Variants in VPS52 observed in about 807,000 individuals in gnomAD.
VPS52 encodes the protein vacuolar protein sorting-associated protein 52 homolog.
A neutral mutation model predicts 98.7 loss-of-function variants in VPS52; 56 were observed. The observed-to-expected ratio is 0.57, with a 90% CI of 0.46 to 0.71. VPS52 has a LOEUF of 0.71. Ranked by LOEUF, VPS52 falls within the 30% of genes least tolerant of loss-of-function variation. The pLI, the probability that VPS52 is intolerant of heterozygous loss-of-function variation, is 0.00. For missense variants in VPS52, 742 were observed against 925.9 expected, an observed-to-expected ratio of 0.80 and a Z score of 2.58; for synonymous variants, 348 against 346.4, an observed-to-expected ratio of 1.00 and a Z score of -0.05.
Position 33,270,950 on chromosome 6 carries a change from CA to C in VPS52, c.90+635del, listed in dbSNP as rs9280391. On this transcript the variant is annotated intron_variant, in intron 1 of 19. Coordinates refer to ENST00000445902, the MANE Select transcript of VPS52 (RefSeq NM_022553.6). ...TGGGCGACAGAGCAAGACTCCGTCTCAAAAAAAAAAAAAAAAAAAAAAAAGT... is the reference window on the plus strand; with the variant it reads ...TGGGCGACAGAGCAAGACTCCGTCTCAAAAAAAAAAAAAAAAAAAAAAAGT... Among the ~76,000 whole-genome samples, 551 of 84,570 alleles carry C rather than the reference CA, an allele frequency of 6.5e-3. 3 individuals carry two copies. Among genetic ancestry groups the C allele is most frequent in the African/African-American group, 0.018 (323 of 17,680 alleles). The allele number at this position is 84,570 out of a possible 152,430, so 55.5% of individuals were successfully genotyped here.
chr6:33,267,844 A>G lies in VPS52; in HGVS notation c.933+21T>C. The G allele has an allele frequency of 6.2e-7, 1 of 1,612,854 alleles. No homozygotes were observed. The highest frequency in any genetic ancestry group is 8.5e-7 in the Non-Finnish European group (1 of 1,179,972). ...CCTCCCAGTCCATGTGCCCAGGAAT[A>G]CCTCTCCCTCCTGACCTTACCTGCA... is the stretch of plus-strand genomic sequence containing the variant. On this transcript the variant is annotated intron_variant, in intron 9 of 19. Transcript: ENST00000445902. This position sits in a 1 kb window ranked among gnomAD's most constrained non-coding sequence, Gnocchi z 4.2.
intron 14 of VPS52, 123 bp downstream of exon 14, chr6:33,264,251 C>T: frequency 1.9e-6 from 3 of 1,557,458 alleles, no homozygotes; most frequent in Non-Finnish European, 2.6e-6. Flanking sequence ...TGAGTTTCAC[C>T]ACCCTCCCAG....
rs772883013 is a variant in VPS52, at chr6:33,269,715, C to G, written c.304+29G>C. The G allele has an allele frequency of 2.5e-6, 4 of 1,608,538 alleles. No homozygotes were observed. In the South Asian group the frequency reaches 4.4e-5, roughly 18 times the overall value. Reference sequence around the variant, plus strand: ...CGCCACAAAATCCCCATGTCAATAGCACCACCCCTTCCCTCTGCTGGAGGA... The same window carrying G: ...CGCCACAAAATCCCCATGTCAATAGGACCACCCCTTCCCTCTGCTGGAGGA... On this transcript the variant is annotated intron_variant, in intron 4 of 19. Coordinates refer to ENST00000445902, the MANE Select transcript of VPS52 (RefSeq NM_022553.6).
chr6:33,269,557 T>G lies in VPS52; in HGVS notation c.305A>C (p.Tyr102Ser). 1 of 1,607,748 alleles carries G rather than the reference T, an allele frequency of 6.2e-7. No homozygotes were observed. Among genetic ancestry groups the G allele is most frequent in the Non-Finnish European group, 8.5e-7 (1 of 1,177,752 alleles). The change falls in exon 5 of 20, where the codon TAT becomes TCT. Residue 102 changes from tyrosine (Y) to serine (S), a missense_variant and splice_region_variant. Tyr to Ser is a moderately radical substitution (Grantham distance 144). Coordinates refer to ENST00000445902, the MANE Select transcript of VPS52 (RefSeq NM_022553.6). ...QQIEQKSIRD[Y>S]IQESENIASL... ...TGCTATATTCTCACTCTCTTGAATA[T>G]CTGATCCACAAAAAGTCAAGGGGCC...
chr6:33,264,230 A>G (rs954735380), intron 14 of VPS52, 127 bp from the exon 15 acceptor site: 3 of 1,534,880 alleles, frequency 2.0e-6, no homozygotes, highest in Non-Finnish European at 1.8e-6. Flanking sequence ...CCCACAGTGC[A>G]CCACTCACCA....
chr6:33,270,218 G>T lies in VPS52; in HGVS notation c.156C>A (p.Phe52Leu). ...GCTTACCATCCACTTCATCCAGGAT[G>T]AATTCATCAGAAGTGATATCCAACT... ...LGELDITSDE[F>L]ILDEVDVHIQ... Residue 52 changes from phenylalanine (F) to leucine (L), a missense_variant, in exon 2 of 20, where the codon TTC (phenylalanine) becomes TTA (leucine). By Grantham distance (22) the Phe-to-Leu change is conservative. Around this residue, in one of 2 missense-constraint regions of VPS52, gnomAD observed 152 missense variants for 132.6 expected, o/e 1.15. Coordinates refer to ENST00000445902, the MANE Select transcript of VPS52 (RefSeq NM_022553.6). The T allele has an allele frequency of 6.2e-7, 1 of 1,613,452 alleles. No homozygotes were observed. The highest frequency in any genetic ancestry group is 1.1e-5 in the South Asian group (1 of 91,070).
intron 4 of VPS52, 74 bp downstream of exon 4, chr6:33,269,670 G>C: frequency 6.4e-7 from 1 of 1,570,710 alleles, no homozygotes. Flanking sequence ...GTTGACCCCA[G>C]CTGGGACATC....
At position 33,253,612 on chromosome 6, in the gene VPS52, A is replaced by C. The variant is rs552905193; in HGVS notation, c.1795-1641T>G. On this transcript the variant is annotated intron_variant, in intron 17 of 19. Coordinates refer to ENST00000445902, the MANE Select transcript of VPS52 (RefSeq NM_022553.6). Reference sequence around the variant, plus strand: ...GTAGTTTTTAAAACCATCTGTTACCAGGTGTGGTGGCACACACCTGTAGTC... The same window carrying C: ...GTAGTTTTTAAAACCATCTGTTACCCGGTGTGGTGGCACACACCTGTAGTC... Among the ~76,000 whole-genome samples the C allele has an allele frequency of 8.5e-4, 129 of 152,204 alleles. 1 individual carries two copies. Among genetic ancestry groups the C allele is most frequent in the South Asian group, 3.3e-3 (16 of 4,826 alleles).
chr6:33,269,853 A>C (rs577991757), intron 3 of VPS52, 34 bp from the exon 4 acceptor site: 1 of 1,607,078 alleles, frequency 6.2e-7, no homozygotes, highest in South Asian at 1.1e-5. Context: ...GTCAGAAGGA[A>C]GTCTCAGTAA....
chr6:33,263,278 A>C (rs908209961), intron 17 of VPS52, among the ~76,000 whole-genome samples: 18 of 150,868 alleles, frequency 1.2e-4, no homozygotes, highest in Non-Finnish European at 1.8e-4. Flanking sequence ...AAAAAAAAAA[A>C]AAAAAACCAA....
At chr6:33,252,006 T>G in intron 17 of VPS52, 35 bp from the exon 18 acceptor site, 1 of 1,583,504 alleles carries the variant, frequency 6.3e-7, no homozygotes, top group Non-Finnish European at 8.7e-7. Context: ...ACAGGTGTCC[T>G]GGTGTCAGCA....
chr6:33,259,711 A>T (rs1157119101), intron 17 of VPS52, among the ~76,000 whole-genome samples: 4 of 152,182 alleles, frequency 2.6e-5, no homozygotes, highest in Admixed American at 6.5e-5. Flanking sequence ...AAAATCCGAA[A>T]AAAATCAAAA....
Position 33,264,448 on chromosome 6 carries a change from G to C in VPS52, c.1450C>G (p.Leu484Val). 6.2e-7 allele frequency: 1 copy of C among 1,614,156 alleles called. No homozygotes were observed. The highest frequency in any genetic ancestry group is 8.5e-7 in the Non-Finnish European group (1 of 1,180,034). Reference sequence around the variant, plus strand: ...CGGACGCTCTGAACATTCATCTCCAGGATCAGTTCAAACCGTGGCCATAGC... The same window carrying C: ...CGGACGCTCTGAACATTCATCTCCACGATCAGTTCAAACCGTGGCCATAGC... ...ALLWPRFELI[L>V]EMNVQSVRST... Residue 484 changes from leucine (L) to valine (V), a missense_variant, in exon 14 of 20, where the codon CTG (leucine) becomes GTG (valine). Physicochemically the swap from Leu to Val is conservative, Grantham distance 32 (BLOSUM62 1). Coordinates refer to ENST00000445902, the MANE Select transcript of VPS52 (RefSeq NM_022553.6).
intron 14 of VPS52, 96 bp from the exon 15 acceptor site, chr6:33,264,199 C>T: frequency 6.5e-7 from 1 of 1,549,854 alleles, no homozygotes; most frequent in East Asian, 2.3e-5. Flanking sequence ...TGTGATGTGA[C>T]TCTACCTTCA....
chr6:33,266,725 G>A lies in VPS52; in HGVS notation c.1126-13C>T, dbSNP rs749248432. 6 of 1,594,140 alleles carry A rather than the reference G, an allele frequency of 3.8e-6. No homozygotes were observed. The African/African-American group carries it at 8.1e-5, about 21-fold the overall frequency. ...CCTCAAATGGATACTGGGAGAGGAG[G>A]AGTAAAGAAGAAAAACAGAAGGGAT... is the stretch of plus-strand genomic sequence containing the variant. On this transcript the variant is annotated splice_polypyrimidine_tract_variant and intron_variant, in intron 11 of 19. Transcript: ENST00000445902.
At chr6:33,257,061 ACT>A (rs1273739590) in intron 17 of VPS52, among the ~76,000 whole-genome samples, 1 of 152,010 alleles carries the variant, frequency 6.6e-6, no homozygotes, top group African/African-American at 2.4e-5. Context: ...ACAGGGTCTC[ACT>A]CTGTTGCCCA....
At chr6:33,271,455 G>A (rs912851454) in intron 1 of VPS52, 131 bp downstream of exon 1, 2 of 1,329,014 alleles carry the variant, frequency 1.5e-6, no homozygotes, top group African/African-American at 1.5e-5. Context: ...CACAGGGAAG[G>A]GTACGGGGAG....
intron 15 of VPS52, 47 bp from the exon 16 acceptor site, chr6:33,263,926 T>G: frequency 6.2e-7 from 1 of 1,613,784 alleles, no homozygotes; most frequent in Non-Finnish European, 8.5e-7. Context: ...CAAGGTCATC[T>G]GGGCCCCATC....
chr6:33,255,462 CTTTTT>C (rs9280383), intron 17 of VPS52, among the ~76,000 whole-genome samples: 1 of 117,260 alleles, frequency 8.5e-6, no homozygotes, highest in Non-Finnish European at 1.7e-5. Flanking sequence ...CTACGCCTGG[CTTTTT>C]TTTTTTTTTT....
Sources: gnomAD v4.1 joint callset for allele counts (sites outside exome capture counted in the v4.1 genomes callset) on GRCh38, gnomAD v4.1.1 for gene constraint, gnomAD v4.1.1 regional missense constraint, Gnocchi (gnomAD v3.1) non-coding constraint, MANE v1.5 for transcripts, NCBI Gene and HGNC (gene_info 2026-07-23, HGNC 2026-07-21) for gene names.